The following PTPRG variants were observed in gnomAD, a reference collection of about 807,000 sequenced individuals.
PTPRG encodes the protein protein tyrosine phosphatase receptor type G.
PTPRG carries 102 observed loss-of-function variants against 165.3 expected under a neutral mutation model. The ratio of observed to expected loss-of-function variants is 0.62; its 90% CI spans 0.53 to 0.73. PTPRG has a LOEUF of 0.73. Among genes scored for constraint, PTPRG ranks in the 30% least tolerant of loss-of-function variants. The probability of loss-of-function intolerance (pLI) is 0.00; values close to 1 mark genes in which losing one functional copy is unlikely to be tolerated. For missense variants in PTPRG, 1,866 were observed against 1,861.4 expected (o/e 1.00, Z -0.05); for synonymous variants, 675 against 669.5 (o/e 1.01, Z -0.13).
intron 1 of PTPRG, among the ~76,000 whole-genome samples, chr3:61,677,813 G>A (rs1040603610): frequency 1.3e-5 from 2 of 152,146 alleles, no homozygotes; most frequent in African/African-American, 4.8e-5. Context: ...CCCTCTTGAT[G>A]TGGCACACCT....
intron 17 of PTPRG, among the ~76,000 whole-genome samples, chr3:62,267,199 A>G (rs1438719464): frequency 6.6e-6 from 1 of 152,118 alleles, no homozygotes; most frequent in African/African-American, 2.4e-5. Context: ...TAATAGTTTT[A>G]CATGAGTTTG....
chr3:62,281,468 G>C, intron 26 of PTPRG, 95 bp from the exon 27 acceptor site: 1 of 1,132,372 alleles, frequency 8.8e-7, no homozygotes, highest in Non-Finnish European at 1.2e-6. Context: ...ACGATGGCTT[G>C]AGAGGGATGG....
At chr3:62,105,384 A>C (rs1702439756) in intron 5 of PTPRG, among the ~76,000 whole-genome samples, 1 of 152,228 alleles carries the variant, frequency 6.6e-6, no homozygotes, top group Admixed American at 6.5e-5. Context: ...AAAACTTGAG[A>C]AAATTCAAGA....
Position 62,273,064 on chromosome 3 carries a change from T to C in PTPRG, c.3301T>C (p.Tyr1101His). ...GAAGCATATCAGGACACAGCGTAACTACCTCGTCCAGACTGAGGTAAGGAG... is the reference window on the plus strand; with the variant it reads ...GAAGCATATCAGGACACAGCGTAACCACCTCGTCCAGACTGAGGTAAGGAG... ...FLKHIRTQRN[Y>H]LVQTEEQYIF... The change falls in exon 22 of 30, where the codon TAC (tyrosine) becomes CAC (histidine). Residue 1101 changes from tyrosine to histidine, a missense_variant. Tyr to His is a moderately conservative substitution (Grantham distance 83, BLOSUM62 2). Coordinates refer to ENST00000474889, the MANE Select transcript of PTPRG (RefSeq NM_002841.4). This position sits in a 1 kb window ranked among gnomAD's most constrained non-coding sequence, Gnocchi z 4.1. 2 of 1,612,730 alleles carry C rather than the reference T, an allele frequency of 1.2e-6. No individual in the cohort carries two copies. Among genetic ancestry groups the C allele is most frequent in the Non-Finnish European group, 1.7e-6 (2 of 1,179,478 alleles).
At chr3:62,188,963 C>G (rs1043127764) in intron 8 of PTPRG, among the ~76,000 whole-genome samples, 2 of 152,072 alleles carry the variant, frequency 1.3e-5, no homozygotes, top group Non-Finnish European at 2.9e-5. Flanking sequence ...CCTCCGTGTT[C>G]TGTCTTGAAA....
chr3:61,913,114 A>T (rs1366558667), intron 2 of PTPRG, among the ~76,000 whole-genome samples: 3 of 152,196 alleles, frequency 2.0e-5, no homozygotes, highest in African/African-American at 4.8e-5. Flanking sequence ...TGTTATATGG[A>T]TGTATTGCAT....
chr3:61,654,914 T>C (rs1702466999), intron 1 of PTPRG, among the ~76,000 whole-genome samples: 1 of 151,590 alleles, frequency 6.6e-6, no homozygotes, highest in Admixed American at 6.6e-5. Flanking sequence ...CCTGAGTAGC[T>C]AGGATTTTAG....
intron 1 of PTPRG, among the ~76,000 whole-genome samples, chr3:61,621,051 A>ATATGTG: frequency 1.9e-3 from 227 of 117,990 alleles, no homozygotes; most frequent in African/African-American, 6.5e-3. Flanking sequence ...ATATATATAT[A>ATATGTG]TGTGTGTGTG....
chr3:61,780,670 T>C (rs1428794000), intron 2 of PTPRG, among the ~76,000 whole-genome samples: 1 of 152,116 alleles, frequency 6.6e-6, no homozygotes, highest in African/African-American at 2.4e-5. Flanking sequence ...TACTGATGAG[T>C]GATATTGTGA....
At chr3:61,960,782 G>A (rs1169836587) in intron 2 of PTPRG, among the ~76,000 whole-genome samples, 1 of 152,130 alleles carries the variant, frequency 6.6e-6, no homozygotes, top group Non-Finnish European at 1.5e-5. Context: ...GTCTTGGGGA[G>A]TATCCTGCAT....
At chr3:61,678,445 G>A (rs976534355) in intron 1 of PTPRG, among the ~76,000 whole-genome samples, 5 of 152,146 alleles carry the variant, frequency 3.3e-5, no homozygotes, top group African/African-American at 9.7e-5. Flanking sequence ...CGGAGGAGTC[G>A]GGTGGGGCTG....
chr3:61,609,449 G>C (rs976926168), intron 1 of PTPRG, among the ~76,000 whole-genome samples: 1 of 152,172 alleles, frequency 6.6e-6, no homozygotes, highest in Non-Finnish European at 1.5e-5. Context: ...GTTGTATGTG[G>C]TATCATCCAC....
intron 2 of PTPRG, among the ~76,000 whole-genome samples, chr3:61,844,466 A>G (rs758378317): frequency 3.9e-5 from 6 of 152,152 alleles, no homozygotes; most frequent in African/African-American, 7.2e-5. Flanking sequence ...TTTGTCCTGT[A>G]TCAGAAATTC....
chr3:61,681,875 C>T (rs1041138585), intron 1 of PTPRG, among the ~76,000 whole-genome samples: 2 of 152,152 alleles, frequency 1.3e-5, no homozygotes, highest in African/African-American at 2.4e-5. Context: ...AGTGGCCGGG[C>T]GCAGTGGCTC....
chr3:61,847,759 C>A (rs1050284723), intron 2 of PTPRG, among the ~76,000 whole-genome samples: 3 of 152,170 alleles, frequency 2.0e-5, no homozygotes, highest in Admixed American at 1.3e-4. Context: ...AAAAAAAAAT[C>A]TCTGCCTTAA....
At chr3:62,026,607 C>T (rs375661259) in intron 4 of PTPRG, among the ~76,000 whole-genome samples, 3 of 152,110 alleles carry the variant, frequency 2.0e-5, no homozygotes, top group African/African-American at 7.2e-5. Context: ...GTATTAGAGG[C>T]CAGGCACGGT....
intron 4 of PTPRG, among the ~76,000 whole-genome samples, chr3:62,013,197 A>G (rs1255913064): frequency 6.6e-6 from 1 of 152,204 alleles, no homozygotes; most frequent in Non-Finnish European, 1.5e-5. Context: ...CATAAAATCA[A>G]TATAAAAAGG....
chr3:62,117,042 T>A (rs948513204), intron 5 of PTPRG, among the ~76,000 whole-genome samples: 3 of 152,196 alleles, frequency 2.0e-5, no homozygotes, highest in Non-Finnish European at 4.4e-5. Context: ...ACTAGAGAGC[T>A]CTTCAGGGTT....
intron 2 of PTPRG, among the ~76,000 whole-genome samples, chr3:61,987,133 T>C (rs901763199): frequency 1.3e-5 from 2 of 152,188 alleles, no homozygotes; most frequent in African/African-American, 4.8e-5. Flanking sequence ...GGAAAAAGTG[T>C]TCTATTTCCT....
Sources: allele counts gnomAD v4.1 joint callset (sites outside exome capture counted in the v4.1 genomes callset), GRCh38; gene constraint gnomAD v4.1.1; non-coding constraint Gnocchi (gnomAD v3.1); transcripts MANE v1.5; gene names NCBI Gene and HGNC (gene_info 2026-07-23, HGNC 2026-07-21).